The following MYH13 variants were observed in gnomAD, a reference collection of about 807,000 sequenced individuals.
MYH13 encodes myosin heavy chain 13, also known as myosin-13.
MYH13 carries 177 observed loss-of-function variants against 232.1 expected under a neutral mutation model. The ratio of observed to expected loss-of-function variants is 0.76; its 90% CI spans 0.67 to 0.86. The LOEUF is 0.86. MYH13 is among the 40% of genes least tolerant of loss of function. MYH13 has a pLI of 0.00. For synonymous variants in MYH13, 884 were observed against 923.5 expected (o/e 0.96, Z 0.78); for missense variants, 2,246 against 2,405.9 (o/e 0.93, Z 1.39).
intron 7 of MYH13, among the ~76,000 whole-genome samples, 193 bp from the exon 8 acceptor site, chr17:10,358,020 G>A (rs535233092): frequency 6.6e-6 from 1 of 151,776 alleles, no homozygotes; most frequent in African/African-American, 2.4e-5. Context: ...ATCTTAGACA[G>A]GTTCTTATTA....
At chr17:10,326,340 G>A (rs960675100) in intron 22 of MYH13, among the ~76,000 whole-genome samples, 7 of 152,156 alleles carry the variant, frequency 4.6e-5, no homozygotes, top group Admixed American at 2.0e-4. Flanking sequence ...AAAGGGGAGC[G>A]GAAAATGCTC....
Position 10,350,530 on chromosome 17 carries a change from C to T in MYH13, c.1144+26G>A, listed in dbSNP as rs779793674. The T allele has an allele frequency of 1.3e-5, 21 of 1,607,532 alleles. No individual in the cohort carries two copies. The East Asian group carries it at 1.3e-4, about 10-fold the overall frequency. On this transcript the variant is annotated intron_variant, in intron 12 of 40. Coordinates refer to ENST00000252172, the MANE Select transcript of MYH13 (RefSeq NM_003802.3). ...GCACATGAACATAGATGGACCCAAT[C>T]GCATCCCTTTCCCAGATGCAGTTAC...
intron 3 of MYH13, among the ~76,000 whole-genome samples, 196 bp from the exon 4 acceptor site, chr17:10,362,699 G>A (rs1455711391): frequency 1.3e-5 from 2 of 152,282 alleles, no homozygotes; most frequent in South Asian, 2.1e-4. Flanking sequence ...GTCAAACTAT[G>A]TAACCAATTC....
intron 23 of MYH13, among the ~76,000 whole-genome samples, chr17:10,322,862 T>C (rs1162422453): frequency 1.3e-5 from 2 of 152,160 alleles, no homozygotes; most frequent in Admixed American, 6.5e-5. Context: ...CTCGATCTCC[T>C]GACCTCGTGG....
chr17:10,338,689 G>GTTTTTTTTTTTTTTT (rs757791680), intron 18 of MYH13, among the ~76,000 whole-genome samples: 51 of 108,778 alleles, frequency 4.7e-4, no homozygotes, highest in Non-Finnish European at 7.3e-4. Context: ...TTTTATCCTT[G>GTTTTTTTTTTTTTTT]TTTTTTTTTT....
intron 35 of MYH13, 89 bp downstream of exon 35, chr17:10,309,145 G>C (rs756237763): frequency 4.1e-5 from 56 of 1,360,948 alleles, no homozygotes; most frequent in Non-Finnish European, 5.4e-5. Context: ...TGGGCCCTGA[G>C]TGGAGGGATA....
chr17:10,357,204 C>T (rs538373728), intron 8 of MYH13, among the ~76,000 whole-genome samples: 6 of 152,222 alleles, frequency 3.9e-5, no homozygotes, highest in East Asian at 3.9e-4. Context: ...TCAAGTGATC[C>T]GCCCCCCTCA....
chr17:10,324,539 A>G (rs1463329754), intron 22 of MYH13, among the ~76,000 whole-genome samples: 7 of 152,010 alleles, frequency 4.6e-5, no homozygotes, highest in Non-Finnish European at 1.0e-4. Flanking sequence ...TCTGCCTCCC[A>G]GGTTCTAGCG....
intron 18 of MYH13, among the ~76,000 whole-genome samples, chr17:10,336,133 C>T (rs558475947): frequency 1.1e-4 from 17 of 152,214 alleles, no homozygotes; most frequent in South Asian, 8.3e-4. Flanking sequence ...AGAGCCGAGA[C>T]GCCACTCTTC....
intron 3 of MYH13, 59 bp downstream of exon 3, chr17:10,364,268 T>C (rs2071815473): frequency 1.3e-6 from 2 of 1,507,794 alleles, no homozygotes; most frequent in South Asian, 2.3e-5. Context: ...TCTAATATTC[T>C]ACTCCAAAGA....
At chr17:10,356,096 G>T (rs543289463) in intron 8 of MYH13, among the ~76,000 whole-genome samples, 1 of 152,110 alleles carries the variant, frequency 6.6e-6, no homozygotes, top group East Asian at 1.9e-4. Flanking sequence ...CTGCTTAATT[G>T]GTCCTCAACG....
rs770633194 is a variant in MYH13, at chr17:10,331,892, C to T, written c.2298+207G>A. On this transcript the variant is annotated intron_variant, in intron 20 of 40. Transcript: ENST00000252172. ...CCTATCCTTGCTGCATGGTGGGGCTCAGGCTTCCAATCTAAGCTTTCAGCC... is the reference window on the plus strand; with the variant it reads ...CCTATCCTTGCTGCATGGTGGGGCTTAGGCTTCCAATCTAAGCTTTCAGCC... Among the ~76,000 whole-genome samples the T allele has an allele frequency of 2.6e-5, 4 of 152,252 alleles. No individual in the cohort carries two copies. In the South Asian group the frequency reaches 6.2e-4, roughly 24 times the overall value.
intron 3 of MYH13, among the ~76,000 whole-genome samples, chr17:10,363,898 A>G (rs2071812748): frequency 2.0e-5 from 3 of 152,228 alleles, no homozygotes; most frequent in Non-Finnish European, 4.4e-5. Flanking sequence ...GATCAATGCT[A>G]TGACCTAGAC....
At chr17:10,330,665 T>A in intron 20 of MYH13, 142 bp from the exon 21 acceptor site, 1 of 1,218,242 alleles carries the variant, frequency 8.2e-7, no homozygotes, top group Non-Finnish European at 1.1e-6. Context: ...CAGGACTTGC[T>A]TCTCGGTGGC....
chr17:10,324,233 C>G lies in MYH13; in HGVS notation c.2723G>C (p.Arg908Pro). The G allele has an allele frequency of 1.2e-6, 2 of 1,613,870 alleles. No homozygotes were observed. Among genetic ancestry groups the G allele is most frequent in the Non-Finnish European group, 1.7e-6 (2 of 1,179,864 alleles). Residue 908 changes from arginine to proline, a missense_variant, in exon 23 of 41, where the codon CGG (arginine) becomes CCG (proline). Arg to Pro is a moderately radical substitution (Grantham distance 103). Coordinates refer to ENST00000252172, the MANE Select transcript of MYH13 (RefSeq NM_003802.3). ...CTTGCTTTTGATGAGTCCTTCACAC[C>G]GTTCCTCAGCGTCCATCAGATTTTC... The part of the protein sequence containing the change: ...ETENLMDAEE[R>P]CEGLIKSKIL...
chr17:10,303,321 C>G (rs745996968), intron 38 of MYH13, 30 bp from the exon 39 acceptor site: 2 of 1,613,278 alleles, frequency 1.2e-6, no homozygotes, highest in Admixed American at 3.3e-5. Context: ...GGCAGGGGCC[C>G]GCAAACCTAT....
At chr17:10,354,607 C>G (rs2071734014) in intron 11 of MYH13, 73 bp downstream of exon 11, 1 of 1,367,654 alleles carries the variant, frequency 7.3e-7, no homozygotes, top group African/African-American at 1.4e-5. Flanking sequence ...TTCCCATTAG[C>G]TCACTAACGT....
chr17:10,322,850 G>A (rs1453428440), intron 23 of MYH13, among the ~76,000 whole-genome samples: 1 of 151,984 alleles, frequency 6.6e-6, no homozygotes, highest in African/African-American at 2.4e-5. Context: ...AGCCAGGATG[G>A]TCTCGATCTC....
At position 10,350,669 on chromosome 17, in the gene MYH13, C is replaced by G. The variant is rs780730989; in HGVS notation, c.1031G>C (p.Ser344Thr). The change falls in exon 12 of 41, where the codon AGC (serine) becomes ACC (threonine). Residue 344 changes from serine to threonine, a missense_variant. Transcript: ENST00000252172. ...GTAGATCCCGACTTTCTCCTCTGAG[C>G]TGAAGCCCAGGATGTCAATGGCATT... ...TDNAIDILGF[S>T]SEEKVGIYKL... The G allele has an allele frequency of 6.2e-7, 1 of 1,613,792 alleles. No individual in the cohort carries two copies. Among genetic ancestry groups the G allele is most frequent in the Non-Finnish European group, 8.5e-7 (1 of 1,179,918 alleles).
Sources: allele counts gnomAD v4.1 joint callset (sites outside exome capture counted in the v4.1 genomes callset), GRCh38; gene constraint gnomAD v4.1.1; transcripts MANE v1.5; gene names NCBI Gene and HGNC (gene_info 2026-07-23, HGNC 2026-07-21).